Variants in SAMD3 observed in about 807,000 individuals in gnomAD.
SAMD3 encodes sterile alpha motif domain-containing protein 3.
A neutral mutation model predicts 58.5 loss-of-function variants in SAMD3; 63 were observed. That is an observed-to-expected ratio of 1.08 (90% CI 0.88 to 1.33). SAMD3 has a LOEUF of 1.33. Ranked by LOEUF, SAMD3 falls within the 40% of genes most tolerant of loss-of-function variation. The pLI is 0.00. For synonymous variants in SAMD3, 220 were observed against 210.3 expected, an observed-to-expected ratio of 1.05 and a Z score of -0.40; for missense variants, 604 against 608.4, an observed-to-expected ratio of 0.99 and a Z score of 0.08.
intron 5 of SAMD3, among the ~76,000 whole-genome samples, chr6:130,185,316 TTTTA>T (rs1336216819): frequency 3.3e-5 from 5 of 152,054 alleles, no homozygotes; most frequent in Admixed American, 6.6e-5. Context: ...CTATTCACTT[TTTTA>T]TTTTTTATTT....
intron 2 of SAMD3, among the ~76,000 whole-genome samples, chr6:130,273,638 C>G (rs1306060694): frequency 6.7e-6 from 1 of 149,996 alleles, no homozygotes; most frequent in Non-Finnish European, 1.5e-5. Context: ...TTCTCTTTCT[C>G]TTTTTCTTTT....
At chr6:130,270,837 G>A (rs1054370603) in intron 2 of SAMD3, among the ~76,000 whole-genome samples, 2 of 152,114 alleles carry the variant, frequency 1.3e-5, no homozygotes, top group Non-Finnish European at 2.9e-5. Context: ...AATACTGCAG[G>A]AAACACTTAC....
chr6:130,319,283 T>C (rs191942627), intron 1 of SAMD3, among the ~76,000 whole-genome samples: 222 of 152,010 alleles, frequency 1.5e-3, no homozygotes, highest in African/African-American at 5.1e-3. Flanking sequence ...AAACCTCAGG[T>C]CTAAGAATCT....
chr6:130,318,967 G>A (rs4897409), intron 1 of SAMD3, among the ~76,000 whole-genome samples: 64,729 of 151,946 alleles, frequency 0.43, 15,425 homozygotes, highest in African/African-American at 0.64. Flanking sequence ...TACAAAAATC[G>A]AATTTCTTAA....
intron 11 of SAMD3, 125 bp from the exon 12 acceptor site, chr6:130,144,929 A>C: frequency 1.0e-6 from 1 of 961,734 alleles, no homozygotes; most frequent in Non-Finnish European, 1.5e-6. Flanking sequence ...AAATATGACA[A>C]ACATACTTCA....
intron 2 of SAMD3, among the ~76,000 whole-genome samples, chr6:130,229,088 G>A (rs557287173): frequency 6.6e-6 from 1 of 152,292 alleles, no homozygotes; most frequent in Admixed American, 6.5e-5. Context: ...TTCCTTCTTG[G>A]TAGCACTGCT....
At chr6:130,316,840 A>G (rs921583624) in intron 1 of SAMD3, among the ~76,000 whole-genome samples, 1 of 152,226 alleles carries the variant, frequency 6.6e-6, no homozygotes, top group East Asian at 1.9e-4. Flanking sequence ...ATGCCAGATG[A>G]GTTATGACAA....
upstream of SAMD3, chr6:130,223,011 A>C (rs1796280961): frequency 6.6e-6 from 1 of 152,216 alleles, no homozygotes; most frequent in Non-Finnish European, 1.5e-5. Flanking sequence ...GATCTCAGAC[A>C]GCTAACGTTT....
intron 1 of SAMD3, among the ~76,000 whole-genome samples, chr6:130,321,666 GT>G (rs1028833421): frequency 4.6e-5 from 7 of 151,258 alleles, no homozygotes; most frequent in Non-Finnish European, 1.0e-4. Context: ...ATTATTATAT[GT>G]TATATATGTG....
rs553073503 is a variant in SAMD3, at chr6:130,282,173, TG to T, written c.-188+30804del. ...GCACACACGCACACGTGCAGGGAGA[TG>T]GGGGGTAGAGAGAGAAAGAGAGAGA... On this transcript the variant is annotated intron_variant, in intron 2 of 13. Coordinates refer to the SAMD3 transcript ENST00000368134. Among the ~76,000 whole-genome samples the T allele has an allele frequency of 3.4e-3, 521 of 151,580 alleles. 4 individuals carry two copies. Among genetic ancestry groups the T allele is most frequent in the Non-Finnish European group, 5.2e-3 (356 of 67,874 alleles).
At chr6:130,237,182 T>C (rs1423222484) in intron 2 of SAMD3, among the ~76,000 whole-genome samples, 1 of 152,224 alleles carries the variant, frequency 6.6e-6, no homozygotes, top group African/African-American at 2.4e-5. Context: ...TTATGAATTG[T>C]TGAGGACTGA....
At chr6:130,155,764 A>G (rs937450481) in intron 8 of SAMD3, among the ~76,000 whole-genome samples, 2 of 152,192 alleles carry the variant, frequency 1.3e-5, no homozygotes, top group Non-Finnish European at 2.9e-5. Context: ...GGAATCTACA[A>G]TCCTCTTATA....
chr6:130,365,057 GC>G (rs1778097040), intron 1 of SAMD3: 2 of 429,196 alleles, frequency 4.7e-6, no homozygotes, highest in Non-Finnish European at 6.2e-6. Context: ...TGTGCATGCG[GC>G]TGGCCTGCAC....
chr6:130,364,580 G>C (rs1458408011), intron 1 of SAMD3, among the ~76,000 whole-genome samples: 1 of 151,942 alleles, frequency 6.6e-6, no homozygotes, highest in Admixed American at 6.6e-5. Flanking sequence ...GAAAACCTAA[G>C]AGAATTGAGC....
At chr6:130,305,143 G>A (rs759001168) in intron 2 of SAMD3, among the ~76,000 whole-genome samples, 20 of 151,606 alleles carry the variant, frequency 1.3e-4, no homozygotes, top group Non-Finnish European at 2.1e-4. Flanking sequence ...ACCATGTTGC[G>A]CAGGCTGGTC....
intron 9 of SAMD3, among the ~76,000 whole-genome samples, chr6:130,153,008 G>A (rs1789365685): frequency 6.6e-6 from 1 of 152,140 alleles, no homozygotes; most frequent in Admixed American, 6.5e-5. Flanking sequence ...CTAAGGCTAC[G>A]ACATTAGTGA....
chr6:130,145,469 G>T, intron 10 of SAMD3, 47 bp from the exon 11 acceptor site: 1 of 1,313,090 alleles, frequency 7.6e-7, no homozygotes, highest in Non-Finnish European at 1.1e-6. Flanking sequence ...TAAGCTTTTA[G>T]CAATTGTAAG....
At chr6:130,158,869 T>C (rs1421988296) in intron 8 of SAMD3, among the ~76,000 whole-genome samples, 1 of 152,198 alleles carries the variant, frequency 6.6e-6, no homozygotes, top group Non-Finnish European at 1.5e-5. Context: ...ACGACCAGTC[T>C]GATTGGTTGT....
Position 130,310,562 on chromosome 6 carries a change from G to A in SAMD3, c.-188+2416C>T, listed in dbSNP as rs184501433. On this transcript the variant is annotated intron_variant, in intron 2 of 13. Transcript: ENST00000368134. ...GTAGATATAGTTTTGGTTCTGAGCT[G>A]GGGAACACAATTTCCTTGAATGTTA... Among the ~76,000 whole-genome samples the A allele has an allele frequency of 3.7e-3, 566 of 152,226 alleles. 2 individuals carry two copies. Among genetic ancestry groups the A allele is most frequent in the African/African-American group, 0.013 (536 of 41,554 alleles).
Sources: allele counts gnomAD v4.1 joint callset (sites outside exome capture counted in the v4.1 genomes callset), GRCh38; gene constraint gnomAD v4.1.1; transcripts MANE v1.5; gene names NCBI Gene and HGNC (gene_info 2026-07-23, HGNC 2026-07-21).